PTN: variants seen among roughly 807,000 people sequenced by gnomAD.
PTN encodes pleiotrophin.
A neutral mutation model predicts 24.1 loss-of-function variants in PTN; 18 were observed. The ratio of observed to expected loss-of-function variants is 0.75; its 90% CI spans 0.52 to 1.11. The LOEUF (loss-of-function observed/expected upper bound fraction) is 1.11. Among genes scored for constraint, PTN ranks in the 50% least tolerant of loss-of-function variants. The pLI is 0.00. For synonymous variants in PTN, 78 were observed against 68.6 expected (o/e 1.14, Z -0.67); for missense variants, 163 against 198.8 (o/e 0.82, Z 1.08).
At chr7:137,248,096 T>C (rs1808755571) in intron 4 of PTN, among the ~76,000 whole-genome samples, 1 of 152,192 alleles carries the variant, frequency 6.6e-6, no homozygotes, top group Non-Finnish European at 1.5e-5. Flanking sequence ...GAGTAGAAAC[T>C]GAATAATGAT....
intron 1 of PTN, among the ~76,000 whole-genome samples, chr7:137,289,336 G>A (rs1809605269): frequency 6.6e-6 from 1 of 152,084 alleles, no homozygotes; most frequent in Non-Finnish European, 1.5e-5. Flanking sequence ...GAGCAGTCCT[G>A]TGAATCATTG....
At chr7:137,296,677 A>G (rs966850571) in intron 1 of PTN, among the ~76,000 whole-genome samples, 4 of 152,074 alleles carry the variant, frequency 2.6e-5, no homozygotes, top group African/African-American at 9.7e-5. Context: ...CTGATTTCAC[A>G]CTGCATAAGT....
At chr7:137,301,377 G>A (rs900849642) in intron 1 of PTN, among the ~76,000 whole-genome samples, 6 of 151,964 alleles carry the variant, frequency 3.9e-5, no homozygotes, top group Non-Finnish European at 7.4e-5. Flanking sequence ...AAATCCATCA[G>A]GAAGGAGACA....
chr7:137,324,544 AC>A (rs1167842613), intron 1 of PTN, among the ~76,000 whole-genome samples: 16 of 151,436 alleles, frequency 1.1e-4, no homozygotes, highest in Admixed American at 1.1e-3. Flanking sequence ...ATTCTAAAGA[AC>A]AGGTAAATTG....
intron 1 of PTN, among the ~76,000 whole-genome samples, chr7:137,330,733 T>C (rs1810343558): frequency 6.6e-6 from 1 of 152,220 alleles, no homozygotes; most frequent in Non-Finnish European, 1.5e-5. Flanking sequence ...TATTGCTTTG[T>C]CTTGAAACAC....
intron 1 of PTN, chr7:137,318,531 T>C (rs572415145): frequency 1.6e-4 from 24 of 152,338 alleles, no homozygotes; most frequent in African/African-American, 5.5e-4. Context: ...AAATAAATGG[T>C]AGGCTCTAAG....
intron 1 of PTN, among the ~76,000 whole-genome samples, chr7:137,255,943 G>A (rs1332071597): frequency 6.6e-6 from 1 of 152,168 alleles, no homozygotes; most frequent in Non-Finnish European, 1.5e-5. Flanking sequence ...AAAAATGGTT[G>A]TAATGTCCTA....
At chr7:137,297,441 A>C (rs1809736340) in intron 1 of PTN, among the ~76,000 whole-genome samples, 1 of 152,098 alleles carries the variant, frequency 6.6e-6, no homozygotes, top group Non-Finnish European at 1.5e-5. Context: ...TAATTTCATG[A>C]ATGCATTATT....
intron 1 of PTN, among the ~76,000 whole-genome samples, chr7:137,299,319 C>T (rs963846820): frequency 6.6e-6 from 1 of 151,888 alleles, no homozygotes; most frequent in African/African-American, 2.4e-5. Flanking sequence ...AGGCATAATA[C>T]TAAATGTTTT....
At chr7:137,302,641 G>C (rs963331569) in intron 1 of PTN, among the ~76,000 whole-genome samples, 1 of 152,016 alleles carries the variant, frequency 6.6e-6, no homozygotes, top group Non-Finnish European at 1.5e-5. Context: ...GTCAGAAGTT[G>C]TCCAATATTG....
intron 1 of PTN, among the ~76,000 whole-genome samples, chr7:137,259,448 T>G (rs1019209021): frequency 2.8e-4 from 42 of 151,990 alleles, no homozygotes; most frequent in Admixed American, 2.8e-3. Flanking sequence ...ATTGAACTGT[T>G]TTGACATCTG....
chr7:137,253,212 C>G (rs905492433), intron 3 of PTN, among the ~76,000 whole-genome samples: 5 of 152,112 alleles, frequency 3.3e-5, no homozygotes, highest in African/African-American at 9.7e-5. Context: ...GTTTTCACAT[C>G]TGGAGCGGGT....
intron 1 of PTN, among the ~76,000 whole-genome samples, chr7:137,338,164 A>G (rs1331730279): frequency 1.3e-5 from 2 of 152,144 alleles, no homozygotes; most frequent in East Asian, 3.9e-4. Context: ...TTCCGACTCA[A>G]GATTTCACCC....
chr7:137,313,815 A>G (rs1413767518), intron 1 of PTN, among the ~76,000 whole-genome samples: 2 of 152,190 alleles, frequency 1.3e-5, no homozygotes, highest in Non-Finnish European at 2.9e-5. Flanking sequence ...TGTACCGATA[A>G]GCTTCATTTA....
intron 1 of PTN, among the ~76,000 whole-genome samples, chr7:137,328,486 A>T (rs1319930528): frequency 6.6e-6 from 1 of 152,168 alleles, no homozygotes; most frequent in African/African-American, 2.4e-5. Context: ...AAACTGTAGC[A>T]GGATTTTTTT....
At chr7:137,287,924 A>T (rs1809582603) in intron 1 of PTN, among the ~76,000 whole-genome samples, 1 of 152,210 alleles carries the variant, frequency 6.6e-6, no homozygotes, top group East Asian at 1.9e-4. Flanking sequence ...CACTTTCAAC[A>T]CTTGAGTTCC....
intron 1 of PTN, among the ~76,000 whole-genome samples, chr7:137,288,834 CA>C (rs531509754): frequency 9.5e-4 from 145 of 152,232 alleles, no homozygotes; most frequent in African/African-American, 3.4e-3. Context: ...AAAAGTACAA[CA>C]GGGGCAAAAT....
intron 1 of PTN, among the ~76,000 whole-genome samples, chr7:137,339,568 C>CAATAAA (rs1810501969): frequency 8.1e-6 from 1 of 123,818 alleles, no homozygotes; most frequent in Non-Finnish European, 1.6e-5. Context: ...GGTCTTGAAT[C>CAATAAA]AAAAAAAAAA....
intron 1 of PTN, chr7:137,325,599 T>C (rs1810245670): frequency 6.6e-6 from 1 of 152,240 alleles, no homozygotes; most frequent in African/African-American, 2.4e-5. Context: ...AGCATTTTGT[T>C]TTTCTCCACA....
Sources: allele counts gnomAD v4.1 joint callset (sites outside exome capture counted in the v4.1 genomes callset), GRCh38; gene constraint gnomAD v4.1.1; transcripts MANE v1.5; gene names NCBI Gene and HGNC (gene_info 2026-07-23, HGNC 2026-07-21).